The following ATXN2L variants were observed in gnomAD, a reference collection of about 807,000 sequenced individuals.
ATXN2L encodes ataxin 2 like, also known as ataxin-2-like protein.
Under a neutral mutation model 120.7 loss-of-function variants are expected in ATXN2L, and 24 were observed. The observed-to-expected ratio is 0.20, with a 90% CI of 0.14 to 0.28. ATXN2L has a LOEUF of 0.28. ATXN2L is among the 10% of genes least tolerant of loss of function. The pLI is 1.00. For missense variants in ATXN2L, 1,312 were observed against 1,432.3 expected, an observed-to-expected ratio of 0.92 and a Z score of 1.36; for synonymous variants, 653 against 568.1, an observed-to-expected ratio of 1.15 and a Z score of -2.13.
In ATXN2L at chr16:28,835,329, A is replaced by G; in HGVS notation, c.2615A>G (p.Gln872Arg). 6.2e-7 allele frequency: 1 copy of G among 1,613,594 alleles called. No individual in the cohort carries two copies. Among genetic ancestry groups the G allele is most frequent in the Non-Finnish European group, 8.5e-7 (1 of 1,179,932 alleles). ...PHHATQLHAH[Q>R]PQPATTPTGS... ...CATGCCACACAGCTCCATGCCCACC[A>G]GCCGCAGCCGGCTACCACGCCTACT... The change falls in exon 20 of 22, where the codon CAG (glutamine) becomes CGG (arginine). Residue 872 changes from glutamine to arginine, a missense_variant. By Grantham distance (43) the Gln-to-Arg change is conservative (BLOSUM62 1). Transcript: ENST00000336783.
At chr16:28,825,529 A>C in intron 2 of ATXN2L, 95 bp from the exon 3 acceptor site, 1 of 1,533,814 alleles carries the variant, frequency 6.5e-7, no homozygotes, top group Non-Finnish European at 9.0e-7. Flanking sequence ...CGGCACACAC[A>C]AGGCAGAATG....
Position 28,826,384 on chromosome 16 carries a change from A to G in ATXN2L, c.610A>G (p.Thr204Ala), listed in dbSNP as rs1047611832. The G allele has an allele frequency of 1.2e-6, 2 of 1,614,052 alleles. No individual in the cohort carries two copies. Among genetic ancestry groups the G allele is most frequent in the African/African-American group, 2.7e-5 (2 of 74,932 alleles). The stretch of plus-strand genomic sequence containing the variant: ...CCGAAATGTTGACTTCAACTATGCT[A>G]CTAAAGGTATTGTCCTAGGCTGTTA... ...HFRNVDFNYA[T>A]KDKFTDSAIA... Residue 204 changes from threonine to alanine, a missense_variant, in exon 5 of 22, where the codon ACT becomes GCT. By Grantham distance (58) the Thr-to-Ala change is moderately conservative. Coordinates refer to ENST00000336783, the MANE Select transcript of ATXN2L (RefSeq NM_007245.4).
intron 16 of ATXN2L, 57 bp downstream of exon 16, chr16:28,834,268 G>T (rs916075612): frequency 1.2e-6 from 2 of 1,610,396 alleles, no homozygotes; most frequent in African/African-American, 2.7e-5. Context: ...GGTTGCGCTG[G>T]TTGAGGGACC....
At position 28,830,045 on chromosome 16, in the gene ATXN2L, A is replaced by C. The variant is rs369236305; in HGVS notation, c.1021A>C (p.Ser341Arg). The C allele has an allele frequency of 2.0e-5, 32 of 1,610,080 alleles. No individual in the cohort carries two copies. The highest frequency in any genetic ancestry group is 2.7e-5 in the Non-Finnish European group (32 of 1,176,722). The change falls in exon 8 of 22, where the codon AGC becomes CGC. Residue 341 changes from serine (S) to arginine (R), a missense_variant. By Grantham distance (110) the Ser-to-Arg change is moderately radical (BLOSUM62 -1). Coordinates refer to ENST00000336783, the MANE Select transcript of ATXN2L (RefSeq NM_007245.4). ...QRQGSGRESP[S>R]LASREGKYIP... ...GCAGGGCTCAGGGCGGGAGAGCCCC[A>C]GCTTGGCATCCAGGTGACTGTTGCA...
At chr16:28,824,253 A>G (rs1019733195) in intron 1 of ATXN2L, 4 of 1,135,782 alleles carry the variant, frequency 3.5e-6, no homozygotes, top group Non-Finnish European at 4.4e-6. Context: ...GTGGCAGTGC[A>G]TGAGTAGTGG....
At position 28,823,123 on chromosome 16, in the gene ATXN2L, G is replaced by A. The variant is rs2050208453; in HGVS notation, c.-137G>A. The A allele has an allele frequency of 4.3e-6, 1 of 232,170 alleles. No homozygotes were observed. The highest frequency in any genetic ancestry group is 7.3e-6 in the Non-Finnish European group (1 of 136,958). 14.4% of individuals were successfully genotyped at this position (232,170 alleles called of 1,614,324 possible). ...GTCTTCTCTCTCCACCCCCGACACCGCGGGGCTCCCCCCGCCCGCCCACGG... is the reference window on the plus strand; with the variant it reads ...GTCTTCTCTCTCCACCCCCGACACCACGGGGCTCCCCCCGCCCGCCCACGG... On this transcript the variant is annotated 5_prime_UTR_variant, in exon 1 of 22. Transcript: ENST00000336783.
At chr16:28,824,616 T>C (rs1027063491) in intron 1 of ATXN2L, 1 of 1,223,360 alleles carries the variant, frequency 8.2e-7, no homozygotes, top group Admixed American at 2.7e-5. Context: ...TCCCACAGTT[T>C]TGAGGCGTCA....
chr16:28,823,943 G>C (rs1305809010), intron 1 of ATXN2L: 3 of 278,676 alleles, frequency 1.1e-5, no homozygotes, highest in African/African-American at 6.8e-5. Context: ...AGTCTGCTGC[G>C]GGAAGGGGTC....
intron 6 of ATXN2L, among the ~76,000 whole-genome samples, chr16:28,829,044 A>G (rs1477876270): frequency 2.0e-5 from 3 of 152,172 alleles, no homozygotes; most frequent in Non-Finnish European, 4.4e-5. Flanking sequence ...CGCCCAGGCC[A>G]GAGCGCAGTG....
chr16:28,834,330 TC>T lies in ATXN2L; in HGVS notation c.2173-11del. 6.2e-7 allele frequency: 1 copy of T among 1,613,550 alleles called. No individual in the cohort carries two copies. Among genetic ancestry groups the T allele is most frequent in the Non-Finnish European group, 8.5e-7 (1 of 1,179,460 alleles). On this transcript the variant is annotated splice_polypyrimidine_tract_variant and intron_variant, in intron 16 of 21. Transcript: ENST00000336783. Reference sequence around the variant, plus strand: ...AGCGAGTCATTCAGCCTCATCTGTGTCCTCATCCCCAGGCACCTCAGATGTA... The same window carrying T: ...AGCGAGTCATTCAGCCTCATCTGTGTCTCATCCCCAGGCACCTCAGATGTA...
chr16:28,830,169 A>C (rs1308654584), intron 8 of ATXN2L, 111 bp downstream of exon 8: 1 of 1,129,810 alleles, frequency 8.9e-7, no homozygotes, highest in Non-Finnish European at 1.2e-6. Context: ...GTAAAATGTC[A>C]TACACAGGTT....
chr16:28,825,411 C>A lies in ATXN2L; in HGVS notation c.336+9C>A. The stretch of plus-strand genomic sequence containing the variant: ...GACCCCCACAGTCACCTGTGAGTGT[C>A]TTCTCCCACCCTGTTTAAGATACAT... On this transcript the variant is annotated intron_variant, in intron 2 of 21. Transcript: ENST00000336783. 1 of 1,613,252 alleles carries A rather than the reference C, an allele frequency of 6.2e-7. No individual in the cohort carries two copies.
rs758610480 is a variant in ATXN2L, at chr16:28,830,016, A to G, written c.992A>G (p.Gln331Arg). 2 of 1,613,932 alleles carry G rather than the reference A, an allele frequency of 1.2e-6. No individual in the cohort carries two copies. Residue 331 changes from glutamine (Q) to arginine (R), a missense_variant, in exon 8 of 22, where the codon CAG becomes CGG. By Grantham distance (43) the Gln-to-Arg change is conservative. Transcript: ENST00000336783. ...GAAGAGGAGAAGCACAGTGCAGTCC[A>G]GCGGCAGGGCTCAGGGCGGGAGAGC... is the stretch of plus-strand genomic sequence containing the variant. ...RTEEEKHSAV[Q>R]RQGSGRESPS...
chr16:28,830,512 A>C (rs547556533), intron 8 of ATXN2L, 103 bp from the exon 9 acceptor site: 2 of 1,117,162 alleles, frequency 1.8e-6, no homozygotes, highest in Non-Finnish European at 2.5e-6. Context: ...CAGTGTGTGT[A>C]TGTTTGGGGG....
intron 15 of ATXN2L, chr16:28,833,799 G>A: frequency 1.6e-6 from 1 of 611,920 alleles, no homozygotes; most frequent in Non-Finnish European, 2.9e-6. Context: ...ATTGGAGTGG[G>A]GTAGTCATGA....
At position 28,830,044 on chromosome 16, in the gene ATXN2L, C is replaced by T. The variant is rs2053748464; in HGVS notation, c.1020C>T (p.Pro340=). 1 of 1,610,244 alleles carries T rather than the reference C, an allele frequency of 6.2e-7. No individual in the cohort carries two copies. The highest frequency in any genetic ancestry group is 8.5e-7 in the Non-Finnish European group (1 of 1,176,798). The change falls in exon 8 of 22, where the codon CCC becomes CCT. Residue 340 remains proline (P), a synonymous_variant. Coordinates refer to ENST00000336783, the MANE Select transcript of ATXN2L (RefSeq NM_007245.4). ...GGCAGGGCTCAGGGCGGGAGAGCCC[C>T]AGCTTGGCATCCAGGTGACTGTTGC... ...VQRQGSGRES[P]SLASREGKYI... is the part of the protein sequence containing the mutation.
chr16:28,832,586 C>T lies in ATXN2L; in HGVS notation c.1588+19C>T. 6.2e-7 allele frequency: 1 copy of T among 1,610,822 alleles called. No homozygotes were observed. Among genetic ancestry groups the T allele is most frequent in the Non-Finnish European group, 8.5e-7 (1 of 1,177,140 alleles). On this transcript the variant is annotated intron_variant, in intron 12 of 21. Coordinates refer to ENST00000336783, the MANE Select transcript of ATXN2L (RefSeq NM_007245.4). ...GGGAAAGGTGAGGGTGGTTTTTTTT[C>T]TGCTGAGGATTAATGCTCCTTTGTC...
chr16:28,834,356 A>G lies in ATXN2L; in HGVS notation c.2186A>G (p.Tyr729Cys). ...MGPAVQAPQMYPYPVSNSVPG... is the reference protein window; with the variant it reads ...MGPAVQAPQMCPYPVSNSVPG... ...CCTCATCCCCAGGCACCTCAGATGT[A>G]TCCATATCCTGTATCCAATTCAGTG... Residue 729 changes from tyrosine (Y) to cysteine (C), a missense_variant, in exon 17 of 22, where the codon TAT (tyrosine) becomes TGT (cysteine). Physicochemically the swap from Tyr to Cys is radical, Grantham distance 194. Coordinates refer to ENST00000336783, the MANE Select transcript of ATXN2L (RefSeq NM_007245.4). The G allele has an allele frequency of 6.2e-7, 1 of 1,613,952 alleles. No homozygotes were observed. Among genetic ancestry groups the G allele is most frequent in the Non-Finnish European group, 8.5e-7 (1 of 1,179,830 alleles).
chr16:28,826,893 C>A lies in ATXN2L; in HGVS notation c.648C>A (p.Asn216Lys). The change falls in exon 6 of 22, where the codon AAC becomes AAA. Residue 216 changes from asparagine to lysine, a missense_variant. Asn to Lys is a moderately conservative substitution (Grantham distance 94). Coordinates refer to ENST00000336783, the MANE Select transcript of ATXN2L (RefSeq NM_007245.4). Reference sequence around the variant, plus strand: ...TCACCGATTCAGCCATTGCCATGAACTCGAAAGTGAATGGGGAACACAAAG... The same window carrying A: ...TCACCGATTCAGCCATTGCCATGAAATCGAAAGTGAATGGGGAACACAAAG... ...DKFTDSAIAM[N>K]SKVNGEHKEK... The A allele has an allele frequency of 6.3e-7, 1 of 1,597,532 alleles. No homozygotes were observed. Among genetic ancestry groups the A allele is most frequent in the East Asian group, 2.2e-5 (1 of 44,538 alleles).
Sources: gnomAD v4.1 joint callset for allele counts (sites outside exome capture counted in the v4.1 genomes callset) on GRCh38, gnomAD v4.1.1 for gene constraint, MANE v1.5 for transcripts, NCBI Gene and HGNC (gene_info 2026-07-23, HGNC 2026-07-21) for gene names.